The following TTC39C variants were observed in gnomAD, a reference collection of about 807,000 sequenced individuals.
TTC39C encodes the protein tetratricopeptide repeat protein 39C.
In TTC39C, 33 loss-of-function variants were observed where a neutral mutation model predicts 76.3. The observed-to-expected ratio is 0.43, with a 90% confidence interval of 0.33 to 0.58. The LOEUF (loss-of-function observed/expected upper bound fraction) is 0.58. Among genes scored for constraint, TTC39C ranks in the 20% least tolerant of loss-of-function variants. TTC39C has a pLI of 0.04. For synonymous variants in TTC39C, 254 were observed against 260.6 expected (o/e 0.97, Z 0.24); for missense variants, 595 against 701.4 (o/e 0.85, Z 1.71).
intron 1 of TTC39C, among the ~76,000 whole-genome samples, chr18:24,052,592 A>G (rs2083965409): frequency 6.6e-6 from 1 of 152,190 alleles, no homozygotes; most frequent in Admixed American, 6.5e-5. Flanking sequence ...TTTCTCTTAG[A>G]TAACTTTGGT....
rs1193109166 is a variant in TTC39C at position 24,134,989 on chromosome 18, A to C, written c.*2415A>C. On this transcript the variant is annotated 3_prime_UTR_variant, in exon 14 of 14. Transcript: ENST00000317571. ...ACTAGTCAAAGTGTAGGTCTTTTTA[A>C]AATTTTTAATCTTTATTTTTATTTT... The C allele has an allele frequency of 6.6e-6, 1 of 151,206 alleles. No homozygotes were observed. The highest frequency in any genetic ancestry group is 2.4e-5 in the African/African-American group (1 of 41,030). The allele number at this position is 151,206 out of a possible 1,614,324, so 9.4% of individuals were successfully genotyped here.
chr18:24,049,230 C>T (rs1278719606), intron 1 of TTC39C, among the ~76,000 whole-genome samples: 2 of 152,170 alleles, frequency 1.3e-5, no homozygotes, highest in South Asian at 2.1e-4. Flanking sequence ...ACTTCGTAGG[C>T]GTGGAAAAGA....
chr18:23,999,201 C>T (rs1164545471), intron 1 of TTC39C, among the ~76,000 whole-genome samples: 1 of 152,186 alleles, frequency 6.6e-6, no homozygotes, highest in Non-Finnish European at 1.5e-5. Context: ...CTAAGCCTTC[C>T]TGCAAGGCTC....
intron 1 of TTC39C, among the ~76,000 whole-genome samples, chr18:24,060,946 GTATTA>G (rs1272404310): frequency 1.3e-5 from 2 of 152,044 alleles, no homozygotes; most frequent in Non-Finnish European, 2.9e-5. Context: ...TTCTGCTCTG[GTATTA>G]TATTACCAAC....
intron 5 of TTC39C, 113 bp from the exon 6 acceptor site, chr18:24,082,800 T>C: frequency 4.5e-6 from 5 of 1,109,612 alleles, no homozygotes; most frequent in Non-Finnish European, 6.2e-6. Flanking sequence ...AGAGACTGCA[T>C]AGTAAGCTTT....
chr18:24,028,871 T>C (rs571521108), intron 1 of TTC39C, among the ~76,000 whole-genome samples: 21 of 151,680 alleles, frequency 1.4e-4, no homozygotes, highest in African/African-American at 5.1e-4. Context: ...TACAGGCACA[T>C]GCCACCACGC....
intron 6 of TTC39C, among the ~76,000 whole-genome samples, chr18:24,085,891 T>C (rs1288592002): frequency 6.6e-6 from 1 of 152,242 alleles, no homozygotes; most frequent in Non-Finnish European, 1.5e-5. Flanking sequence ...ACTTGAAATA[T>C]GGTTGTTATT....
chr18:24,014,617 A>G, upstream of TTC39C: 1 of 360,692 alleles, frequency 2.8e-6, no homozygotes, highest in Non-Finnish European at 4.5e-6. Flanking sequence ...AGGGCGCGAG[A>G]GGAGCGGGCG....
intron 1 of TTC39C, chr18:24,015,294 C>A (rs1361006640): frequency 5.4e-6 from 2 of 368,636 alleles, no homozygotes; most frequent in Non-Finnish European, 9.7e-6. Flanking sequence ...GCCCGCAGTC[C>A]CCCTCTCACT....
chr18:24,132,110 C>T (rs1224898039), intron 13 of TTC39C, among the ~76,000 whole-genome samples, 190 bp downstream of exon 13: 2 of 152,166 alleles, frequency 1.3e-5, no homozygotes, highest in Non-Finnish European at 1.5e-5. Flanking sequence ...TAAGGAACTT[C>T]GATGAAATTG....
In TTC39C at chr18:24,082,019, T is replaced by G. The variant is rs895050133; in HGVS notation, c.816-894T>G. ...AAACATTTTTGTCTGGCTGTTGTTTTTTTTTTTTTTTTTTTTGAGACAGAG... is the reference window on the plus strand; with the variant it reads ...AAACATTTTTGTCTGGCTGTTGTTTGTTTTTTTTTTTTTTTTGAGACAGAG... On this transcript the variant is annotated intron_variant, in intron 5 of 13. Transcript: ENST00000317571. Among the ~76,000 whole-genome samples, 26 of 147,696 alleles carry G rather than the reference T, an allele frequency of 1.8e-4. 1 individual carries two copies.
Position 24,135,373 on chromosome 18 carries a change from G to A in TTC39C, c.*2799G>A, listed in dbSNP as rs543129229. The A allele has an allele frequency of 1.0e-4, 16 of 152,672 alleles. No homozygotes were observed. Among genetic ancestry groups the A allele is most frequent in the African/African-American group, 3.9e-4 (16 of 41,518 alleles). 9.5% of individuals were successfully genotyped at this position (152,672 alleles called of 1,614,324 possible). ...GTGGTAAATCTGTGTTAACATGGTG[G>A]TAGACCATGGAGAATGGGTAGATGG... On this transcript the variant is annotated 3_prime_UTR_variant, in exon 14 of 14. Transcript: ENST00000317571.
intron 12 of TTC39C, among the ~76,000 whole-genome samples, chr18:24,131,673 A>T (rs992579606): frequency 6.6e-6 from 1 of 151,042 alleles, no homozygotes; most frequent in Non-Finnish European, 1.5e-5. Context: ...GCCACTGCAC[A>T]CCACACTCCA....
intron 1 of TTC39C, among the ~76,000 whole-genome samples, chr18:24,030,266 G>A (rs965745055): frequency 6.6e-6 from 1 of 152,150 alleles, no homozygotes. Context: ...TTATTTGTAT[G>A]ACGTAAGATA....
chr18:24,077,521 G>C (rs1217639626), intron 4 of TTC39C, among the ~76,000 whole-genome samples: 1 of 152,140 alleles, frequency 6.6e-6, no homozygotes, highest in Non-Finnish European at 1.5e-5. Context: ...ATGTTAAGTT[G>C]CATGCTTATT....
In TTC39C at chr18:24,078,055, T is replaced by C. The variant is rs571640183; in HGVS notation, c.461-2530T>C. 6.6e-5 allele frequency among the ~76,000 whole-genome samples: 10 copies of C among 152,350 alleles called. No homozygotes were observed. The South Asian group carries it at 1.9e-3, about 28-fold the overall frequency. On this transcript the variant is annotated intron_variant, in intron 4 of 13. Coordinates refer to ENST00000317571, the MANE Select transcript of TTC39C (RefSeq NM_001135993.2). ...AAATGTGGTGTTTGTACAGTAAATA[T>C]TCTTGTTAAGTAGAACGAATGAAAA...
At chr18:24,117,544 A>C (rs1478193814) in intron 7 of TTC39C, among the ~76,000 whole-genome samples, 1 of 152,044 alleles carries the variant, frequency 6.6e-6, no homozygotes, top group Non-Finnish European at 1.5e-5. Context: ...TCTACTAAAA[A>C]TACAAAAATC....
chr18:24,083,662 C>G (rs1379502012), intron 6 of TTC39C, among the ~76,000 whole-genome samples: 1 of 152,176 alleles, frequency 6.6e-6, no homozygotes, highest in Non-Finnish European at 1.5e-5. Flanking sequence ...AAACAGGGAT[C>G]TAAGAGGGCT....
At chr18:24,019,848 G>A in intron 1 of TTC39C, 1 of 1,524,188 alleles carries the variant, frequency 6.6e-7, no homozygotes, top group Non-Finnish European at 8.8e-7. Flanking sequence ...TCTACTCTCT[G>A]GCCTTTTACA....
Sources: gnomAD v4.1 joint callset for allele counts (sites outside exome capture counted in the v4.1 genomes callset) on GRCh38, gnomAD v4.1.1 for gene constraint, MANE v1.5 for transcripts, NCBI Gene and HGNC (gene_info 2026-07-23, HGNC 2026-07-21) for gene names.